DIAPH3: variants seen among roughly 807,000 people sequenced by gnomAD.
The protein encoded by DIAPH3 is protein diaphanous homolog 3.
In DIAPH3, 117 loss-of-function variants were observed where a neutral mutation model predicts 144.3. The ratio of observed to expected loss-of-function variants is 0.81; its 90% CI spans 0.70 to 0.95. DIAPH3 has a LOEUF of 0.95. Ranked by LOEUF, DIAPH3 falls within the 40% of genes least tolerant of loss-of-function variation. The pLI, the probability that DIAPH3 is intolerant of heterozygous loss-of-function variation, is 0.00. For synonymous variants in DIAPH3, 519 were observed against 488.9 expected (o/e 1.06, Z -0.81); for missense variants, 1,421 against 1,412.7 (o/e 1.01, Z -0.09).
Position 60,121,539 on chromosome 13 carries a change from T to A in DIAPH3, c.214-9353A>T, listed in dbSNP as rs551313214. ...ACAGGTTGTATACTCTGATGGTTTA[T>A]GCTTCAAAGAGAGCTGGAAGCTTTT... On this transcript the variant is annotated intron_variant, in intron 2 of 27. Coordinates refer to ENST00000400324, the MANE Select transcript of DIAPH3 (RefSeq NM_001042517.2). Among the ~76,000 whole-genome samples the A allele has an allele frequency of 4.6e-5, 7 of 152,344 alleles. No individual in the cohort carries two copies. The South Asian group carries it at 1.5e-3, about 32-fold the overall frequency.
At chr13:59,762,932 T>G (rs1292377684) in intron 27 of DIAPH3, among the ~76,000 whole-genome samples, 1 of 152,150 alleles carries the variant, frequency 6.6e-6, no homozygotes, top group Non-Finnish European at 1.5e-5. Context: ...TTTGTCTCCC[T>G]TAGCCCATCA....
At chr13:60,156,007 C>T (rs1163718478) in intron 1 of DIAPH3, among the ~76,000 whole-genome samples, 1 of 152,182 alleles carries the variant, frequency 6.6e-6, no homozygotes, top group Non-Finnish European at 1.5e-5. Flanking sequence ...TAACACATTA[C>T]CACAAACTGG....
intron 9 of DIAPH3, among the ~76,000 whole-genome samples, chr13:60,006,855 C>A (rs968268928): frequency 6.6e-6 from 1 of 152,116 alleles, no homozygotes; most frequent in Non-Finnish European, 1.5e-5. Flanking sequence ...ATCTAACAAG[C>A]CCAGAATGCA....
chr13:59,798,541 T>C (rs1472526809), intron 25 of DIAPH3, among the ~76,000 whole-genome samples: 2 of 152,232 alleles, frequency 1.3e-5, no homozygotes, highest in East Asian at 3.9e-4. Context: ...TTCATTTCAC[T>C]GTGTTCATTT....
intron 17 of DIAPH3, 77 bp from the exon 18 acceptor site, chr13:59,924,947 CATTAA>C: frequency 6.6e-7 from 1 of 1,515,496 alleles, no homozygotes; most frequent in Non-Finnish European, 8.9e-7. Flanking sequence ...AACTTTTTAT[CATTAA>C]ATAAGCTAAA....
At chr13:60,045,028 T>C (rs2055967795) in intron 4 of DIAPH3, among the ~76,000 whole-genome samples, 1 of 152,210 alleles carries the variant, frequency 6.6e-6, no homozygotes, top group Non-Finnish European at 1.5e-5. Context: ...GTGAGTACAT[T>C]AAACCTTTTT....
At chr13:59,999,546 C>T (rs796490706) in intron 9 of DIAPH3, among the ~76,000 whole-genome samples, 11 of 152,220 alleles carry the variant, frequency 7.2e-5, no homozygotes, top group African/African-American at 2.6e-4. Flanking sequence ...CAGCTGCTAC[C>T]TTCTGAAAGC....
At chr13:59,762,050 A>ACCTTTTTTTTTTTTTTTTTTTTTTTTT (rs1389648314) in intron 27 of DIAPH3, among the ~76,000 whole-genome samples, 1 of 118,990 alleles carries the variant, frequency 8.4e-6, no homozygotes, top group Non-Finnish European at 1.7e-5. Context: ...AAGCGTCAGC[A>ACCTTTTTTTTTTTTTTTTTTTTTTTTT]TCTTTTTTTT....
In DIAPH3 at chr13:60,100,661, A is replaced by G. The variant is rs1052403861; in HGVS notation, c.391-6929T>C. Among the ~76,000 whole-genome samples the G allele has an allele frequency of 3.3e-5, 5 of 152,170 alleles. No individual in the cohort carries two copies. The East Asian group carries it at 5.8e-4, about 18-fold the overall frequency. On this transcript the variant is annotated intron_variant, in intron 3 of 27. Transcript: ENST00000400324. ...TCTATACTATTTTTGCAATTCTTCT[A>G]TAAGTCTAAAATTATTTCAAAATAA... is the stretch of plus-strand genomic sequence containing the variant.
At chr13:59,690,793 T>C (rs1593587460) in intron 27 of DIAPH3, among the ~76,000 whole-genome samples, 1 of 152,220 alleles carries the variant, frequency 6.6e-6, no homozygotes, top group African/African-American at 2.4e-5. Flanking sequence ...TTGCCTACTA[T>C]GCATCTACCA....
intron 27 of DIAPH3, among the ~76,000 whole-genome samples, chr13:59,766,798 A>G (rs1197461765): frequency 3.3e-5 from 5 of 151,846 alleles, no homozygotes; most frequent in Non-Finnish European, 7.4e-5. Flanking sequence ...CAAAAAAAAA[A>G]AAAGAAAGAA....
In DIAPH3 at chr13:59,735,515, C is replaced by T. The variant is rs2036099071; in HGVS notation, c.3319+38674G>A. Among the ~76,000 whole-genome samples the T allele has an allele frequency of 2.6e-5, 4 of 151,966 alleles. No homozygotes were observed. In the South Asian group the frequency reaches 8.3e-4, roughly 31 times the overall value. ...GATCTTGCAGGTATCTTTCACAGTA[C>T]AAACAAAACAAAGGCAATTCAAAAG... On this transcript the variant is annotated intron_variant, in intron 27 of 27. Transcript: ENST00000400324.
At chr13:59,839,979 G>C (rs916893565) in intron 22 of DIAPH3, among the ~76,000 whole-genome samples, 1 of 152,144 alleles carries the variant, frequency 6.6e-6, no homozygotes, top group African/African-American at 2.4e-5. Context: ...AACACAATTT[G>C]TGTTTATTAT....
intron 3 of DIAPH3, among the ~76,000 whole-genome samples, chr13:60,098,110 A>T (rs2058160866): frequency 6.6e-6 from 1 of 152,070 alleles, no homozygotes; most frequent in African/African-American, 2.4e-5. Context: ...ATCATTTTTT[A>T]TGTTTCTTAG....
At chr13:60,008,785 T>G in intron 8 of DIAPH3, 136 bp from the exon 9 acceptor site, 1 of 691,964 alleles carries the variant, frequency 1.4e-6, no homozygotes, top group Non-Finnish European at 2.6e-6. Flanking sequence ...GTACATACCA[T>G]GTATCAAGCA....
intron 22 of DIAPH3, among the ~76,000 whole-genome samples, chr13:59,854,735 G>A (rs992796146): frequency 5.3e-5 from 8 of 152,292 alleles, no homozygotes; most frequent in Non-Finnish European, 1.0e-4. Flanking sequence ...GTTACTTGAT[G>A]TTCGCTATAG....
rs755231526 is a variant in DIAPH3, at chr13:59,983,817, C to A, written c.1432G>T (p.Asp478Tyr). Residue 478 changes from aspartate (D) to tyrosine (Y), a missense_variant, in exon 13 of 28, where the codon GAC (aspartate) becomes TAC (tyrosine). Asp to Tyr is a radical substitution (Grantham distance 160). Coordinates refer to ENST00000400324, the MANE Select transcript of DIAPH3 (RefSeq NM_001042517.2). ...IVLHRDGMDPDFTYRKRLDLD... is the reference protein window; with the variant it reads ...IVLHRDGMDPYFTYRKRLDLD... ...TCTAGTCTTTTTCGATATGTGAAGT[C>A]TGGATCCATTCCATCTCTATGCAAT... The A allele has an allele frequency of 3.1e-6, 5 of 1,610,112 alleles. No homozygotes were observed. In the Admixed American group the frequency reaches 6.7e-5, roughly 22 times the overall value.
Position 59,916,178 on chromosome 13 carries a change from G to A in DIAPH3, c.2242C>T (p.Arg748Trp), listed in dbSNP as rs757710029. ...RMMILEVDET[R>W]LAESMIQNLI... ...ACCTGAATCATAGACTCTGCCAACC[G>A]TGTTTCATCTACTTCCAATATCATC... The change falls in exon 19 of 28, where the codon CGG becomes TGG. Residue 748 changes from arginine (R) to tryptophan (W), a missense_variant. Physicochemically the swap from Arg to Trp is moderately radical, Grantham distance 101. Transcript: ENST00000400324. The A allele has an allele frequency of 1.1e-5, 17 of 1,612,836 alleles. No individual in the cohort carries two copies. The highest frequency in any genetic ancestry group is 2.2e-5 in the South Asian group (2 of 91,052).
At chr13:59,868,818 A>G (rs1249174433) in intron 21 of DIAPH3, among the ~76,000 whole-genome samples, 1 of 152,194 alleles carries the variant, frequency 6.6e-6, no homozygotes, top group Non-Finnish European at 1.5e-5. Flanking sequence ...GGAATCATAC[A>G]GTAGATAGCC....
Sources: gnomAD v4.1 joint callset for allele counts (sites outside exome capture counted in the v4.1 genomes callset) on GRCh38, gnomAD v4.1.1 for gene constraint, MANE v1.5 for transcripts, NCBI Gene and HGNC (gene_info 2026-07-23, HGNC 2026-07-21) for gene names.